The following PKP4 variants were observed in gnomAD, a reference collection of about 807,000 sequenced individuals.
The protein encoded by PKP4 is plakophilin 4, also known as plakophilin-4.
Under a neutral mutation model 145.1 loss-of-function variants are expected in PKP4, and 90 were observed. The ratio of observed to expected loss-of-function variants is 0.62; its 90% CI spans 0.52 to 0.74. The LOEUF (loss-of-function observed/expected upper bound fraction) is 0.74. Among genes scored for constraint, PKP4 ranks in the 30% least tolerant of loss-of-function variants. The pLI, the probability that PKP4 is intolerant of heterozygous loss-of-function variation, is 0.00. For missense variants in PKP4, 1,340 were observed against 1,482.7 expected, an observed-to-expected ratio of 0.90 and a Z score of 1.58; for synonymous variants, 563 against 577.2, an observed-to-expected ratio of 0.98 and a Z score of 0.35.
intron 1 of PKP4, among the ~76,000 whole-genome samples, chr2:158,477,176 A>G (rs1041673930): frequency 2.0e-5 from 3 of 152,156 alleles, no homozygotes; most frequent in African/African-American, 7.2e-5. Flanking sequence ...TAGTGCTTGT[A>G]GAATCGCAAG....
At chr2:158,604,976 T>C (rs980378913) in intron 4 of PKP4, among the ~76,000 whole-genome samples, 2 of 152,060 alleles carry the variant, frequency 1.3e-5, no homozygotes, top group African/African-American at 2.4e-5. Context: ...TGGGAGGTAA[T>C]GAGAGAATGA....
At chr2:158,541,701 T>C (rs1379724338) in intron 2 of PKP4, among the ~76,000 whole-genome samples, 2 of 152,170 alleles carry the variant, frequency 1.3e-5, no homozygotes, top group Non-Finnish European at 2.9e-5. Context: ...CTTTAAAAAT[T>C]GGAGTTCAAA....
intron 16 of PKP4, among the ~76,000 whole-genome samples, chr2:158,668,291 C>T (rs1035894972): frequency 3.3e-5 from 5 of 151,826 alleles, no homozygotes; most frequent in African/African-American, 1.2e-4. Flanking sequence ...GTATTTGGCT[C>T]TAATTTACCC....
chr2:158,605,229 G>A (rs749240279), intron 4 of PKP4, among the ~76,000 whole-genome samples: 2 of 152,150 alleles, frequency 1.3e-5, no homozygotes, highest in Non-Finnish European at 2.9e-5. Flanking sequence ...AATATTTCGT[G>A]TGCATATATT....
intron 2 of PKP4, among the ~76,000 whole-genome samples, chr2:158,561,756 G>A (rs578257882): frequency 1.7e-4 from 26 of 151,258 alleles, no homozygotes; most frequent in African/African-American, 5.8e-4. Context: ...TCTACCCATC[G>A]CAGTGTTTAA....
At position 158,625,074 on chromosome 2, in the gene PKP4, C is replaced by G; in HGVS notation, c.800C>G (p.Pro267Arg). 2 of 1,614,214 alleles carry G rather than the reference C, an allele frequency of 1.2e-6. No individual in the cohort carries two copies. Among genetic ancestry groups the G allele is most frequent in the South Asian group, 2.2e-5 (2 of 91,080 alleles). ...NPSAYSSTTLPAARAASPYSQ... is the reference protein window; with the variant it reads ...NPSAYSSTTLRAARAASPYSQ... ...AGTGCATATTCCTCCACCACATTAC[C>G]TGCTGCACGGGCAGCCTCTCCGTAC... Residue 267 changes from proline (P) to arginine (R), a missense_variant, in exon 7 of 22, where the codon CCT (proline) becomes CGT (arginine). Transcript: ENST00000389759.
At chr2:158,597,570 G>A (rs917876373) in intron 3 of PKP4, among the ~76,000 whole-genome samples, 1 of 152,174 alleles carries the variant, frequency 6.6e-6, no homozygotes, top group South Asian at 2.1e-4. Flanking sequence ...GGTAATTCTG[G>A]AAGGATGATT....
At chr2:158,480,091 G>A (rs1445675002) in intron 1 of PKP4, among the ~76,000 whole-genome samples, 1 of 152,174 alleles carries the variant, frequency 6.6e-6, no homozygotes, top group Admixed American at 6.5e-5. Context: ...CCCTAGGTCA[G>A]GAGTACACGC....
At chr2:158,587,804 A>G (rs976696087) in intron 3 of PKP4, among the ~76,000 whole-genome samples, 1 of 151,992 alleles carries the variant, frequency 6.6e-6, no homozygotes, top group African/African-American at 2.4e-5. Context: ...TCTTCCCCAT[A>G]GCTAACCACT....
intron 9 of PKP4, among the ~76,000 whole-genome samples, chr2:158,637,793 G>A (rs188919431): frequency 6.6e-5 from 10 of 152,370 alleles, no homozygotes; most frequent in African/African-American, 2.4e-4. Context: ...ATCATGGCTG[G>A]AAACAGAAGT....
At chr2:158,508,852 G>A (rs955094394) in intron 1 of PKP4, among the ~76,000 whole-genome samples, 3 of 152,000 alleles carry the variant, frequency 2.0e-5, no homozygotes, top group South Asian at 4.2e-4. Context: ...GAGGTTCTGG[G>A]GTGACTGTGG....
At chr2:158,523,738 A>G (rs2042664478) in intron 1 of PKP4, among the ~76,000 whole-genome samples, 1 of 118,294 alleles carries the variant, frequency 8.5e-6, no homozygotes, top group East Asian at 2.4e-4. Flanking sequence ...CTTTGAAAAA[A>G]ATTTAGAAGA....
intron 2 of PKP4, among the ~76,000 whole-genome samples, chr2:158,555,637 A>G (rs1160453517): frequency 6.6e-6 from 1 of 152,234 alleles, no homozygotes; most frequent in African/African-American, 2.4e-5. Flanking sequence ...GGATGTGAAG[A>G]TGGATGGTAA....
chr2:158,545,657 A>G (rs1249028048), intron 2 of PKP4, among the ~76,000 whole-genome samples: 1 of 152,214 alleles, frequency 6.6e-6, no homozygotes, highest in African/African-American at 2.4e-5. Flanking sequence ...ATATAACTGC[A>G]TATTTACCCC....
At chr2:158,467,842 A>G (rs1046170632) in intron 1 of PKP4, among the ~76,000 whole-genome samples, 3 of 152,172 alleles carry the variant, frequency 2.0e-5, no homozygotes, top group Non-Finnish European at 4.4e-5. Context: ...GTGAAACTCT[A>G]TCTCCAAAAA....
chr2:158,596,756 CAG>C (rs1451737563), intron 3 of PKP4, among the ~76,000 whole-genome samples: 2 of 152,130 alleles, frequency 1.3e-5, no homozygotes, highest in Non-Finnish European at 1.5e-5. Context: ...TGTCATGACA[CAG>C]AGGGGGAGAA....
intron 1 of PKP4, among the ~76,000 whole-genome samples, chr2:158,469,631 A>G (rs1266387528): frequency 1.3e-5 from 2 of 152,200 alleles, no homozygotes; most frequent in Non-Finnish European, 2.9e-5. Flanking sequence ...TTTGTTCAGT[A>G]TTACTTTTAT....
chr2:158,616,215 C>T (rs537613876), intron 4 of PKP4, among the ~76,000 whole-genome samples: 65 of 152,340 alleles, frequency 4.3e-4, no homozygotes, highest in Non-Finnish European at 7.6e-4. Context: ...TTCCCAGTGA[C>T]CTCATTCCCT....
At chr2:158,513,555 A>G (rs1321083992) in intron 1 of PKP4, among the ~76,000 whole-genome samples, 1 of 152,118 alleles carries the variant, frequency 6.6e-6, no homozygotes, top group Non-Finnish European at 1.5e-5. Flanking sequence ...ATGTCTTTAA[A>G]GTCTTCTTTT....
Sources: gnomAD v4.1 joint callset for allele counts (sites outside exome capture counted in the v4.1 genomes callset) on GRCh38, gnomAD v4.1.1 for gene constraint, MANE v1.5 for transcripts, NCBI Gene and HGNC (gene_info 2026-07-23, HGNC 2026-07-21) for gene names.